Variants in PANK2 observed in about 807,000 individuals in gnomAD.
PANK2 encodes the protein pantothenate kinase 2, mitochondrial.
A neutral mutation model predicts 43.1 loss-of-function variants in PANK2; 36 were observed. The observed-to-expected ratio is 0.84, with a 90% CI of 0.64 to 1.10. The LOEUF is 1.10. Ranked by LOEUF, PANK2 falls within the 50% of genes least tolerant of loss-of-function variation. The pLI is 0.00. For synonymous variants in PANK2, 281 were observed against 238.2 expected (o/e 1.18, Z -1.66); for missense variants, 576 against 593.3 (o/e 0.97, Z 0.30).
chr20:3,909,376 G>C (rs571811037), intron 2 of PANK2, among the ~76,000 whole-genome samples: 1 of 152,068 alleles, frequency 6.6e-6, no homozygotes, highest in Non-Finnish European at 1.5e-5. Context: ...CACCTTGCCC[G>C]GCCCAGATTC....
rs2090744438 is a variant in PANK2, at chr20:3,927,692, T to G, written c.*4398T>G. On this transcript the variant is annotated 3_prime_UTR_variant, in exon 7 of 7. Coordinates refer to ENST00000610179, the MANE Select transcript of PANK2 (RefSeq NM_001386393.1). ...GTCACCAGAAGGGAGTTCCTAACAC[T>G]TGCCACACCTGCTCCCCCGACCGGG... 1 of 152,128 alleles carries G rather than the reference T, an allele frequency of 6.6e-6. No homozygotes were observed. The highest frequency in any genetic ancestry group is 1.5e-5 in the Non-Finnish European group (1 of 68,020). 9.4% of individuals were successfully genotyped at this position (152,128 alleles called of 1,614,324 possible). A position where few individuals can be genotyped will look rare whatever the true frequency, so the allele number is the denominator to read the frequency against.
In PANK2 at chr20:3,889,702, T is replaced by G; in HGVS notation, c.272T>G (p.Val91Gly). 1 of 1,596,344 alleles carries G rather than the reference T, an allele frequency of 6.3e-7. No homozygotes were observed. Among genetic ancestry groups the G allele is most frequent in the Non-Finnish European group, 8.5e-7 (1 of 1,179,164 alleles). The stretch of plus-strand genomic sequence containing the variant: ...CCCACCTCGGTCTCCCGCCAGCGCG[T>G]CGAAAGCCTGAGGAAAAAGCGGCCG... Residue 91 changes from valine to glycine, a missense_variant, in exon 1 of 7, where the codon GTC becomes GGC. By Grantham distance (109) the Val-to-Gly change is moderately radical. Transcript: ENST00000610179.
rs575859125 is a variant in PANK2, at chr20:3,918,880, G to A, written c.1332+84G>A. ...GTCATGGAACTTGAGGTAGAGGGTG[G>A]AGGTGAAATGGGCTGCAGTGTTTCT... On this transcript the variant is annotated intron_variant, in intron 6 of 6. Transcript: ENST00000610179. 172 of 1,597,036 alleles carry A rather than the reference G, an allele frequency of 1.1e-4. No individual in the cohort carries two copies. The African/African-American group carries it at 2.0e-3, about 18-fold the overall frequency.
upstream of PANK2, chr20:3,888,913 C>A: frequency 1.8e-6 from 1 of 557,558 alleles, no homozygotes; most frequent in Non-Finnish European, 3.2e-6. Context: ...AGGTCAGCCG[C>A]GGTTCAAGCC....
chr20:3,893,739 G>A lies in PANK2; in HGVS notation c.298+4011G>A, dbSNP rs575082861. Among the ~76,000 whole-genome samples, 259 of 152,108 alleles carry A rather than the reference G, an allele frequency of 1.7e-3. 2 individuals carry two copies. The highest frequency in any genetic ancestry group is 6.0e-3 in the African/African-American group (248 of 41,468). On this transcript the variant is annotated intron_variant, in intron 1 of 6. Transcript: ENST00000610179. ...ATGGATCATTTTTTCTTGGCTTTCC[G>A]AGGAGCGTTGCTGTTGGCAGTATGG...
chr20:3,924,837 CT>C lies in PANK2; in HGVS notation c.*1544del, dbSNP rs778244310. On this transcript the variant is annotated 3_prime_UTR_variant, in exon 7 of 7. Transcript: ENST00000610179. ...TGCTTGTACCACAGGGTGCTGCTCC[CT>C]GGGCCAACTCCTGTGAACTTGCTCA... 6.6e-6 allele frequency: 1 copy of C among 152,482 alleles called. No homozygotes were observed. Among genetic ancestry groups the C allele is most frequent in the Non-Finnish European group, 1.5e-5 (1 of 68,284 alleles). 9.4% of individuals were successfully genotyped at this position (152,482 alleles called of 1,614,324 possible).
At chr20:3,900,471 C>G (rs2090283789) in intron 1 of PANK2, among the ~76,000 whole-genome samples, 1 of 151,718 alleles carries the variant, frequency 6.6e-6, no homozygotes, top group South Asian at 2.1e-4. Context: ...CTTAAGAGTG[C>G]TTAACATTTT....
chr20:3,896,518 G>A (rs2090211878), intron 1 of PANK2, among the ~76,000 whole-genome samples: 1 of 152,162 alleles, frequency 6.6e-6, no homozygotes, highest in South Asian at 2.1e-4. Flanking sequence ...GGAGTTAACT[G>A]ATGGCTGGAA....
intron 1 of PANK2, among the ~76,000 whole-genome samples, chr20:3,898,617 A>C (rs912350953): frequency 2.0e-5 from 3 of 152,128 alleles, no homozygotes; most frequent in Non-Finnish European, 2.9e-5. Context: ...TTCATTTAAA[A>C]ATAAATTTTG....
chr20:3,889,758 C>T (rs3737085), intron 1 of PANK2, 30 bp downstream of exon 1: 1 of 1,578,144 alleles, frequency 6.3e-7, no homozygotes. Context: ...CCCTCCCGGC[C>T]CGCCCTGCCC....
At chr20:3,911,890 C>CG (rs768112879) in intron 3 of PANK2, among the ~76,000 whole-genome samples, 1 of 140,614 alleles carries the variant, frequency 7.1e-6, no homozygotes, top group Admixed American at 7.1e-5. Flanking sequence ...AACTCCATCT[C>CG]AAAAAAAAAA....
chr20:3,894,581 T>G (rs190050400), intron 1 of PANK2, among the ~76,000 whole-genome samples: 6 of 151,620 alleles, frequency 4.0e-5, no homozygotes, highest in Admixed American at 3.3e-4. Context: ...ACTTTTTATT[T>G]ATTTATTTAT....
In PANK2 at chr20:3,899,939, C is replaced by T. The variant is rs191196898; in HGVS notation, c.299-7987C>T. On this transcript the variant is annotated intron_variant, in intron 1 of 6. Coordinates refer to ENST00000610179, the MANE Select transcript of PANK2 (RefSeq NM_001386393.1). ...CAGGATGGTCTCGATCTCCTGACCT[C>T]GTGATCCGCCTGCCTCGGCCTCCCA... 3.7e-4 allele frequency among the ~76,000 whole-genome samples: 56 copies of T among 151,726 alleles called. 2 individuals are homozygous for T. Among genetic ancestry groups the T allele is most frequent in the African/African-American group, 1.1e-3 (45 of 41,432 alleles).
chr20:3,905,594 G>C (rs1369521313), intron 1 of PANK2, among the ~76,000 whole-genome samples: 2 of 151,016 alleles, frequency 1.3e-5, no homozygotes, highest in African/African-American at 4.9e-5. Context: ...TGATCCTCCC[G>C]CCTCGGCCTC....
At chr20:3,909,430 C>T (rs1183812144) in intron 2 of PANK2, among the ~76,000 whole-genome samples, 3 of 152,070 alleles carry the variant, frequency 2.0e-5, no homozygotes, top group Non-Finnish European at 2.9e-5. Flanking sequence ...GGGGTTTCAC[C>T]ATGTTGTCCA....
rs2090676687 is a variant in PANK2, at chr20:3,923,351, T to C, written c.*57T>C. The C allele has an allele frequency of 1.3e-6, 2 of 1,548,864 alleles. No homozygotes were observed. Among genetic ancestry groups the C allele is most frequent in the African/African-American group, 2.8e-5 (2 of 70,228 alleles). On this transcript the variant is annotated 3_prime_UTR_variant, in exon 7 of 7. Transcript: ENST00000610179. Reference sequence around the variant, plus strand: ...CCACAATGGGATCTGTGGACTTTCATTTTTTTAAGAGACTTACTCAATTTC... The same window carrying C: ...CCACAATGGGATCTGTGGACTTTCACTTTTTTAAGAGACTTACTCAATTTC...
rs2090677877 is a variant in PANK2, at chr20:3,923,435, A to G, written c.*141A>G. On this transcript the variant is annotated 3_prime_UTR_variant, in exon 7 of 7. Coordinates refer to ENST00000610179, the MANE Select transcript of PANK2 (RefSeq NM_001386393.1). Reference sequence around the variant, plus strand: ...ACAGGTGTATTTTTCTAAGTCATCAAGATAAATCCTTAAGAATTCAGTCTA... The same window carrying G: ...ACAGGTGTATTTTTCTAAGTCATCAGGATAAATCCTTAAGAATTCAGTCTA... 2 of 908,550 alleles carry G rather than the reference A, an allele frequency of 2.2e-6. No homozygotes were observed. Among genetic ancestry groups the G allele is most frequent in the Non-Finnish European group, 3.5e-6 (2 of 574,856 alleles). 56.3% of individuals were successfully genotyped at this position (908,550 alleles called of 1,614,324 possible).
At chr20:3,893,717 G>C (rs2090158734) in intron 1 of PANK2, among the ~76,000 whole-genome samples, 1 of 152,130 alleles carries the variant, frequency 6.6e-6, no homozygotes. Flanking sequence ...CTAGAAAATG[G>C]ATCATTTTTT....
chr20:3,890,035 A>T (rs1256393905), intron 1 of PANK2: 2 of 916,576 alleles, frequency 2.2e-6, no homozygotes, highest in African/African-American at 3.4e-5. Context: ...ACATGATTTT[A>T]TCCTCGAGAA....
Sources: allele counts gnomAD v4.1 joint callset (sites outside exome capture counted in the v4.1 genomes callset), GRCh38; gene constraint gnomAD v4.1.1; transcripts MANE v1.5; gene names NCBI Gene and HGNC (gene_info 2026-07-23, HGNC 2026-07-21).